The following EBF3 variants were observed in gnomAD, a reference collection of about 807,000 sequenced individuals.
EBF3 encodes EBF transcription factor 3, also known as transcription factor COE3.
A neutral mutation model predicts 77.1 loss-of-function variants in EBF3; 18 were observed. The observed-to-expected ratio is 0.23, with a 90% CI of 0.16 to 0.35. The LOEUF is 0.35. Among genes scored for constraint, EBF3 ranks in the 10% least tolerant of loss-of-function variants. EBF3 has a pLI of 1.00. For synonymous variants in EBF3, 350 were observed against 343.5 expected (o/e 1.02, Z -0.21); for missense variants, 558 against 860.0 (o/e 0.65, Z 4.39).
At chr10:129,945,470 C>T (rs560837857) in intron 6 of EBF3, among the ~76,000 whole-genome samples, 19 of 152,252 alleles carry the variant, frequency 1.2e-4, no homozygotes, top group African/African-American at 3.9e-4. Flanking sequence ...ACACGGATTC[C>T]GTACAGTCCT....
intron 6 of EBF3, among the ~76,000 whole-genome samples, chr10:129,905,845 A>G (rs1182214984): frequency 6.6e-6 from 1 of 152,152 alleles, no homozygotes. Flanking sequence ...CCGAGGTGAC[A>G]TTTGTTTCAT....
rs514488 is a variant in EBF3, at chr10:129,927,724, G to A, written c.554+29534C>T. Among the ~76,000 whole-genome samples, 691 of 152,272 alleles carry A rather than the reference G, an allele frequency of 4.5e-3. 9 individuals carry two copies. The highest frequency in any genetic ancestry group is 0.015 in the African/African-American group (639 of 41,558). On this transcript the variant is annotated intron_variant, in intron 6 of 16. Coordinates refer to ENST00000440978, the MANE Select transcript of EBF3 (RefSeq NM_001375380.1). ...CCTTTGAGTCTACCTGCCCTGAGAT[G>A]TCCCCTGAGGACAGTTGGGTCCCTT...
At chr10:129,872,882 C>A (rs910491127) in intron 8 of EBF3, among the ~76,000 whole-genome samples, 1 of 152,172 alleles carries the variant, frequency 6.6e-6, no homozygotes, top group Admixed American at 6.5e-5. Flanking sequence ...TTATGGAAAC[C>A]CTTCTCTTTT....
chr10:129,963,525 T>G lies in EBF3; in HGVS notation c.135-2A>C. On this transcript the variant is annotated splice_acceptor_variant, in intron 1 of 16. Coordinates refer to ENST00000440978, the MANE Select transcript of EBF3 (RefSeq NM_001375380.1). LOFTEE classifies it high-confidence loss of function. This position sits in a 1 kb window ranked among gnomAD's most constrained non-coding sequence, Gnocchi z 7.1. ...TGCGCCCGCGCCAGCCCCACGCCGC[T>G]GCGGGAGGAAAGAGACAGCGGCCCG... 1 of 1,531,484 alleles carries G rather than the reference T, an allele frequency of 6.5e-7. No homozygotes were observed. The allele number at this position is 1,531,484 out of a possible 1,614,324, so 94.9% of individuals were successfully genotyped here. A position where few individuals can be genotyped will look rare whatever the true frequency, so the allele number is the denominator to read the frequency against.
intron 11 of EBF3, among the ~76,000 whole-genome samples, chr10:129,844,996 A>G (rs1850352703): frequency 6.6e-6 from 1 of 152,200 alleles, no homozygotes; most frequent in Non-Finnish European, 1.5e-5. Context: ...GCTATTTTTC[A>G]TTCCCAGAAA....
At chr10:129,896,914 G>C (rs1854433797) in intron 6 of EBF3, among the ~76,000 whole-genome samples, 1 of 152,158 alleles carries the variant, frequency 6.6e-6, no homozygotes, top group Non-Finnish European at 1.5e-5. Flanking sequence ...GCCACCCCAG[G>C]CCTCCTCTTT....
At chr10:129,920,964 G>T (rs10829659) in intron 6 of EBF3, among the ~76,000 whole-genome samples, 10,735 of 152,164 alleles carry the variant, frequency 0.071, 694 homozygotes, top group East Asian at 0.34. Flanking sequence ...CCAGAAGGCT[G>T]TTGTGAGCCT....
At chr10:129,838,833 T>A (rs1227762477) in intron 16 of EBF3, among the ~76,000 whole-genome samples, 1 of 152,232 alleles carries the variant, frequency 6.6e-6, no homozygotes, top group Non-Finnish European at 1.5e-5. Flanking sequence ...TTAATTTATC[T>A]CCGACTCACC....
At chr10:129,893,348 A>C (rs865797801) in intron 6 of EBF3, among the ~76,000 whole-genome samples, 1 of 152,256 alleles carries the variant, frequency 6.6e-6, no homozygotes, top group Admixed American at 6.5e-5. Flanking sequence ...TGAAGTTAAA[A>C]ATAAGAAAAT....
In EBF3 at chr10:129,943,585, C is replaced by T. The variant is rs1857948953; in HGVS notation, c.554+13673G>A. On this transcript the variant is annotated intron_variant, in intron 6 of 16. Coordinates refer to ENST00000440978, the MANE Select transcript of EBF3 (RefSeq NM_001375380.1). This position sits in a 1 kb window ranked among gnomAD's most constrained non-coding sequence, Gnocchi z 8.8. ...TGAGCCTCAAGTGGTTGCCAGGAGT[C>T]GCCAGCCGGGCTTGGGAACAAGACA... is the stretch of plus-strand genomic sequence containing the variant. 1.3e-5 allele frequency among the ~76,000 whole-genome samples: 2 copies of T among 152,182 alleles called. No individual in the cohort carries two copies. The highest frequency in any genetic ancestry group is 2.4e-5 in the African/African-American group (1 of 41,436).
intron 10 of EBF3, among the ~76,000 whole-genome samples, chr10:129,852,197 C>A (rs1287293097): frequency 1.3e-5 from 2 of 152,124 alleles, no homozygotes; most frequent in African/African-American, 4.8e-5. Flanking sequence ...GCCTACAGCT[C>A]GGGAAGGATA....
chr10:129,928,110 G>T (rs754030605), intron 6 of EBF3, among the ~76,000 whole-genome samples: 1 of 152,174 alleles, frequency 6.6e-6, no homozygotes, highest in Non-Finnish European at 1.5e-5. Context: ...ACGTCCAGCC[G>T]AGTAAAGAAC....
At position 129,963,629 on chromosome 10, in the gene EBF3, A is replaced by T. The variant is rs1859713002; in HGVS notation, c.134+6T>A. The T allele has an allele frequency of 7.0e-7, 1 of 1,435,926 alleles. No homozygotes were observed. The highest frequency in any genetic ancestry group is 9.3e-7 in the Non-Finnish European group (1 of 1,079,008). The allele number at this position is 1,435,926 out of a possible 1,614,324, so 88.9% of individuals were successfully genotyped here. A position where few individuals can be genotyped will look rare whatever the true frequency, so the allele number is the denominator to read the frequency against. The stretch of plus-strand genomic sequence containing the variant: ...GCCAGGGCGCGCGGGGGCGGCCGGT[A>T]CGTACCTCTGGGCGGCCGTGTTGGC... On this transcript the variant is annotated splice_donor_region_variant and intron_variant, in intron 1 of 16. Coordinates refer to ENST00000440978, the MANE Select transcript of EBF3 (RefSeq NM_001375380.1). This position sits in a 1 kb window ranked among gnomAD's most constrained non-coding sequence, Gnocchi z 7.1.
At chr10:129,915,528 C>T (rs920660161) in intron 6 of EBF3, among the ~76,000 whole-genome samples, 1 of 151,300 alleles carries the variant, frequency 6.6e-6, no homozygotes, top group Admixed American at 6.6e-5. Flanking sequence ...GGTGTTGCTA[C>T]GAAGTGAGTC....
chr10:129,938,163 C>G lies in EBF3; in HGVS notation c.554+19095G>C, dbSNP rs1159217387. On this transcript the variant is annotated intron_variant, in intron 6 of 16. Coordinates refer to ENST00000440978, the MANE Select transcript of EBF3 (RefSeq NM_001375380.1). The surrounding 1 kb of genome is among the most constrained non-coding windows in gnomAD (Gnocchi z 5.1). ...CTGCTGAGTTTTTGTGCGAGGCTAG[C>G]CCCCCGCATGAGGCTTCATCAGTGA... Among the ~76,000 whole-genome samples the G allele has an allele frequency of 2.0e-5, 3 of 152,078 alleles. No individual in the cohort carries two copies. The highest frequency in any genetic ancestry group is 7.2e-5 in the African/African-American group (3 of 41,390).
chr10:129,927,470 C>T (rs1431662218), intron 6 of EBF3, among the ~76,000 whole-genome samples: 2 of 152,182 alleles, frequency 1.3e-5, no homozygotes, highest in Admixed American at 6.5e-5. Context: ...GCCCAGGACA[C>T]GTGGTTCCAT....
chr10:129,903,772 C>T (rs1329835375), intron 6 of EBF3, among the ~76,000 whole-genome samples: 1 of 152,028 alleles, frequency 6.6e-6, no homozygotes, highest in East Asian at 1.9e-4. Flanking sequence ...AGTCCATGAC[C>T]CCAGGCAGTC....
intron 6 of EBF3, among the ~76,000 whole-genome samples, chr10:129,924,446 C>CA (rs1433963607): frequency 4.1e-5 from 5 of 123,398 alleles, no homozygotes; most frequent in Admixed American, 8.1e-5. Context: ...AAAAAAAAAA[C>CA]AAAAAACAAA....
chr10:129,919,027 C>T (rs1236019071), intron 6 of EBF3, among the ~76,000 whole-genome samples: 1 of 152,324 alleles, frequency 6.6e-6, no homozygotes, highest in African/African-American at 2.4e-5. Flanking sequence ...GGAAGCCCAG[C>T]CTGGGCACAG....
Sources: gnomAD v4.1 joint callset for allele counts (sites outside exome capture counted in the v4.1 genomes callset) on GRCh38, gnomAD v4.1.1 for gene constraint, Gnocchi (gnomAD v3.1) non-coding constraint, MANE v1.5 for transcripts, NCBI Gene and HGNC (gene_info 2026-07-23, HGNC 2026-07-21) for gene names.